LRRC36: variants seen among roughly 807,000 people sequenced by gnomAD.
LRRC36 encodes leucine-rich repeat-containing protein 36.
In LRRC36, 62 loss-of-function variants were observed where a neutral mutation model predicts 81.1. That is an observed-to-expected ratio of 0.76 (90% confidence interval 0.62 to 0.94). LRRC36 has a LOEUF of 0.94. LRRC36 is among the 40% of genes least tolerant of loss of function. The pLI is 0.00. For synonymous variants in LRRC36, 334 were observed against 348.6 expected (o/e 0.96, Z 0.47); for missense variants, 761 against 881.7 (o/e 0.86, Z 1.73).
At chr16:67,370,773 T>G (rs1239930700) in intron 8 of LRRC36, among the ~76,000 whole-genome samples, 171 bp from the exon 9 acceptor site, 2 of 152,108 alleles carry the variant, frequency 1.3e-5, no homozygotes, top group Non-Finnish European at 2.9e-5. Flanking sequence ...GGTGTAGGCT[T>G]GGAACATGTG....
chr16:67,344,471 T>A (rs2038248001), intron 2 of LRRC36, among the ~76,000 whole-genome samples: 1 of 152,138 alleles, frequency 6.6e-6, no homozygotes, highest in Non-Finnish European at 1.5e-5. Flanking sequence ...GGTGCGTGCC[T>A]ATAATCCCAG....
At chr16:67,381,638 G>A (rs138357048) in intron 12 of LRRC36, among the ~76,000 whole-genome samples, 5 of 151,812 alleles carry the variant, frequency 3.3e-5, no homozygotes, top group Middle Eastern at 3.4e-3. Flanking sequence ...TTTTTGAGAC[G>A]GAGTCTCACT....
intron 5 of LRRC36, among the ~76,000 whole-genome samples, chr16:67,362,933 A>C (rs1336177845): frequency 6.6e-6 from 1 of 151,206 alleles, no homozygotes; most frequent in African/African-American, 2.4e-5. Context: ...GCGCGCCACC[A>C]CTCCCGGCCC....
intron 5 of LRRC36, among the ~76,000 whole-genome samples, chr16:67,354,266 A>G (rs2038794769): frequency 6.6e-6 from 1 of 151,820 alleles, no homozygotes; most frequent in South Asian, 2.1e-4. Flanking sequence ...AAGCCCATCC[A>G]TTTTAATGAA....
At chr16:67,382,714 T>C (rs1052068107) in intron 13 of LRRC36, among the ~76,000 whole-genome samples, 1 of 152,176 alleles carries the variant, frequency 6.6e-6, no homozygotes, top group Non-Finnish European at 1.5e-5. Flanking sequence ...CTGGGTGTGG[T>C]GGCTCACGCC....
chr16:67,375,523 A>C, intron 10 of LRRC36, 111 bp downstream of exon 10: 1 of 840,644 alleles, frequency 1.2e-6, no homozygotes, highest in East Asian at 2.8e-5. Context: ...TGTTCTCATG[A>C]TCACATCCTG....
At chr16:67,328,018 A>C (rs1331282007) in intron 1 of LRRC36, among the ~76,000 whole-genome samples, 3 of 152,172 alleles carry the variant, frequency 2.0e-5, no homozygotes, top group Non-Finnish European at 4.4e-5. Context: ...ACTTTTGCTG[A>C]AAATTTTAGC....
chr16:67,363,369 TAACA>T (rs2039245917), intron 5 of LRRC36, among the ~76,000 whole-genome samples: 3 of 152,244 alleles, frequency 2.0e-5, no homozygotes, highest in Admixed American at 6.5e-5. Flanking sequence ...GGCTCAACCC[TAACA>T]GATAGGCAGT....
At chr16:67,347,036 A>G (rs2038384673) in intron 3 of LRRC36, among the ~76,000 whole-genome samples, 1 of 151,904 alleles carries the variant, frequency 6.6e-6, no homozygotes, top group Non-Finnish European at 1.5e-5. Flanking sequence ...CACCACACCC[A>G]GCTAATTTTT....
rs766038828 is a variant in LRRC36 at position 67,341,969 on chromosome 16, C to T, written c.83C>T (p.Ser28Phe). 6.2e-7 allele frequency: 1 copy of T among 1,610,330 alleles called. No individual in the cohort carries two copies. The highest frequency in any genetic ancestry group is 1.1e-5 in the South Asian group (1 of 90,640). Residue 28 changes from serine to phenylalanine, a missense_variant, in exon 2 of 14, where the codon TCT becomes TTT. By Grantham distance (155) the Ser-to-Phe change is radical. Coordinates refer to ENST00000329956, the MANE Select transcript of LRRC36 (RefSeq NM_018296.6). ...GATCTCTTTTCAGAACTGGTGGAGT[C>T]TCTTTCATTGCAGGGATCTTATGCT... ...LTLEQPELVESLSLQGSYAGK... is the reference protein window; with the variant it reads ...LTLEQPELVEFLSLQGSYAGK...
At position 67,371,112 on chromosome 16, in the gene LRRC36, G is replaced by C; in HGVS notation, c.1364G>C (p.Gly455Ala). 6.2e-7 allele frequency: 1 copy of C among 1,614,156 alleles called. No homozygotes were observed. Among genetic ancestry groups the C allele is most frequent in the Non-Finnish European group, 8.5e-7 (1 of 1,180,032 alleles). ...CTGCGGACACTGCTGTTGTCTCCTG[G>C]GACTTCAGAACACAGAAAGATTTTT... Reference protein sequence around the residue: ...TPLRTLLLSPGTSEHRKIFTK... With the variant: ...TPLRTLLLSPATSEHRKIFTK... The change falls in exon 9 of 14, where the codon GGG becomes GCG. Residue 455 changes from glycine to alanine, a missense_variant. Gly to Ala is a moderately conservative substitution (Grantham distance 60). Transcript: ENST00000329956.
intron 1 of LRRC36, among the ~76,000 whole-genome samples, chr16:67,329,303 G>GT (rs1289943768): frequency 6.6e-6 from 1 of 151,878 alleles, no homozygotes; most frequent in Non-Finnish European, 1.5e-5. Context: ...GTTTTGTTTT[G>GT]TTTTTGAGAT....
At chr16:67,329,854 G>A (rs866620077) in intron 1 of LRRC36, among the ~76,000 whole-genome samples, 2 of 152,040 alleles carry the variant, frequency 1.3e-5, no homozygotes, top group South Asian at 2.1e-4. Flanking sequence ...GGAGACGGAG[G>A]TTGTAGTGAG....
At chr16:67,377,394 G>A (rs1196477112) in intron 11 of LRRC36, among the ~76,000 whole-genome samples, 8 of 152,122 alleles carry the variant, frequency 5.3e-5, no homozygotes, top group Admixed American at 3.3e-4. Flanking sequence ...GCAGTGGCAC[G>A]ATCTCGGCTC....
rs1237437570 is a variant in LRRC36 at position 67,375,379 on chromosome 16, T to G, written c.1627T>G (p.Ser543Ala). Residue 543 changes from serine to alanine, a missense_variant, in exon 10 of 14, where the codon TCC (serine) becomes GCC (alanine). Ser to Ala is a moderately conservative substitution (Grantham distance 99). Coordinates refer to ENST00000329956, the MANE Select transcript of LRRC36 (RefSeq NM_018296.6). ...GCTTGTGGATAAGCACTGGAATGGC[T>G]CCGGCTCCCTCCTCCTCAACAAGAA... The part of the protein sequence containing the change: ...LELVDKHWNG[S>A]GSLLLNKKFL... 2 of 1,593,460 alleles carry G rather than the reference T, an allele frequency of 1.3e-6. No individual in the cohort carries two copies. The highest frequency in any genetic ancestry group is 2.3e-5 in the South Asian group (2 of 87,682).
At chr16:67,370,786 C>T (rs768700688) in intron 8 of LRRC36, among the ~76,000 whole-genome samples, 158 bp from the exon 9 acceptor site, 36 of 152,034 alleles carry the variant, frequency 2.4e-4, no homozygotes, top group Non-Finnish European at 4.1e-4. Context: ...AACATGTGGA[C>T]GGTTAGATTT....
chr16:67,338,567 A>G (rs1464024193), intron 1 of LRRC36, among the ~76,000 whole-genome samples: 1 of 152,216 alleles, frequency 6.6e-6, no homozygotes, highest in Non-Finnish European at 1.5e-5. Flanking sequence ...CTGAAACAAC[A>G]TCAATGAAAT....
intron 12 of LRRC36, among the ~76,000 whole-genome samples, chr16:67,379,200 G>GTA (rs2040022914): frequency 6.6e-6 from 1 of 152,132 alleles, no homozygotes; most frequent in Non-Finnish European, 1.5e-5. Context: ...AAAGCAGGAG[G>GTA]ATTGACTGAG....
chr16:67,355,454 A>C (rs1343969660), intron 5 of LRRC36, among the ~76,000 whole-genome samples: 1 of 132,560 alleles, frequency 7.5e-6, no homozygotes, highest in East Asian at 2.3e-4. Flanking sequence ...GGCTCACTGC[A>C]AGCTCCGCCT....
Sources: gnomAD v4.1 joint callset for allele counts (sites outside exome capture counted in the v4.1 genomes callset) on GRCh38, gnomAD v4.1.1 for gene constraint, MANE v1.5 for transcripts, NCBI Gene and HGNC (gene_info 2026-07-23, HGNC 2026-07-21) for gene names.